The following KIAA1328 variants were observed in gnomAD, a reference collection of about 807,000 sequenced individuals.
KIAA1328 encodes the protein protein hinderin.
In KIAA1328, 52 loss-of-function variants were observed where a neutral mutation model predicts 68.1. The observed-to-expected ratio is 0.76, with a 90% CI of 0.61 to 0.96. The LOEUF (loss-of-function observed/expected upper bound fraction) is 0.96. Among genes scored for constraint, KIAA1328 ranks in the 40% least tolerant of loss-of-function variants. The probability of loss-of-function intolerance (pLI) is 0.00; values close to 1 mark genes in which losing one functional copy is unlikely to be tolerated. For synonymous variants in KIAA1328, 232 were observed against 239.4 expected (o/e 0.97, Z 0.28); for missense variants, 641 against 677.6 (o/e 0.95, Z 0.60).
chr18:37,109,701 C>G (rs1468272965), intron 7 of KIAA1328, among the ~76,000 whole-genome samples: 1 of 152,166 alleles, frequency 6.6e-6, no homozygotes, highest in Non-Finnish European at 1.5e-5. Context: ...AAACATTACA[C>G]TTTATCTGCT....
At chr18:37,044,510 AT>A (rs976597238) in intron 6 of KIAA1328, among the ~76,000 whole-genome samples, 7 of 152,144 alleles carry the variant, frequency 4.6e-5, no homozygotes, top group Non-Finnish European at 1.0e-4. Flanking sequence ...AAAACTCAAA[AT>A]TTTAGGCCAG....
At chr18:37,028,334 T>G (rs2054678795) in intron 6 of KIAA1328, among the ~76,000 whole-genome samples, 1 of 152,164 alleles carries the variant, frequency 6.6e-6, no homozygotes, top group African/African-American at 2.4e-5. Flanking sequence ...GGCCCTCAGC[T>G]TGGATGTTGT....
chr18:37,225,886 G>A (rs865810737), downstream of KIAA1328, among the ~76,000 whole-genome samples: 15 of 152,086 alleles, frequency 9.9e-5, no homozygotes, highest in Non-Finnish European at 2.1e-4. Context: ...CAGGTAGCAG[G>A]AACAGAATCA....
chr18:36,846,843 C>A (rs2047046118), intron 4 of KIAA1328, among the ~76,000 whole-genome samples: 1 of 151,384 alleles, frequency 6.6e-6, no homozygotes, highest in Non-Finnish European at 1.5e-5. Context: ...GCATTAAGTA[C>A]ATTCATAGTG....
intron 5 of KIAA1328, among the ~76,000 whole-genome samples, chr18:36,940,103 T>A (rs573392996): frequency 6.6e-6 from 1 of 152,300 alleles, no homozygotes; most frequent in Admixed American, 6.5e-5. Context: ...CCAGTTAATT[T>A]CTTATAAAAA....
At chr18:37,150,647 T>C (rs1256082859) in intron 7 of KIAA1328, among the ~76,000 whole-genome samples, 5 of 151,712 alleles carry the variant, frequency 3.3e-5, no homozygotes, top group African/African-American at 1.2e-4. Flanking sequence ...GTAAAAAGCA[T>C]AATACAGCTT....
At chr18:36,904,772 C>G (rs1407637933) in intron 5 of KIAA1328, among the ~76,000 whole-genome samples, 2 of 151,778 alleles carry the variant, frequency 1.3e-5, no homozygotes, top group African/African-American at 4.8e-5. Context: ...TCCATTTGAC[C>G]TTTGTTCCTC....
intron 6 of KIAA1328, among the ~76,000 whole-genome samples, chr18:37,025,656 A>C (rs1483483069): frequency 2.0e-5 from 3 of 152,236 alleles, no homozygotes; most frequent in Non-Finnish European, 4.4e-5. Context: ...GCAGAAATAA[A>C]GTTGTTCTTT....
At chr18:37,065,621 G>C (rs1379394569) in intron 6 of KIAA1328, among the ~76,000 whole-genome samples, 1 of 152,194 alleles carries the variant, frequency 6.6e-6, no homozygotes, top group Non-Finnish European at 1.5e-5. Context: ...GCTACCCTTG[G>C]AAGAGTCTGA....
intron 7 of KIAA1328, among the ~76,000 whole-genome samples, chr18:37,080,707 G>A (rs577172018): frequency 1.3e-4 from 20 of 151,234 alleles, no homozygotes; most frequent in Non-Finnish European, 2.7e-4. Context: ...CCTGGGAGAC[G>A]GAGGTTGCAG....
intron 6 of KIAA1328, among the ~76,000 whole-genome samples, chr18:37,055,003 T>C (rs547065577): frequency 2.9e-4 from 44 of 152,272 alleles, no homozygotes; most frequent in African/African-American, 1.0e-3. Flanking sequence ...TCCATAATTA[T>C]TGACTTTAAT....
At chr18:37,094,776 T>C (rs979830681) in intron 7 of KIAA1328, among the ~76,000 whole-genome samples, 4 of 152,104 alleles carry the variant, frequency 2.6e-5, no homozygotes, top group Non-Finnish European at 5.9e-5. Context: ...CAATAAGATA[T>C]AGACTGGCTG....
chr18:37,045,459 C>A (rs2055429434), intron 6 of KIAA1328, among the ~76,000 whole-genome samples: 1 of 151,928 alleles, frequency 6.6e-6, no homozygotes, highest in Non-Finnish European at 1.5e-5. Flanking sequence ...GCTTACCAAG[C>A]ATTCCATTTC....
intron 7 of KIAA1328, among the ~76,000 whole-genome samples, chr18:37,114,778 TAAAG>T: frequency 6.6e-6 from 1 of 151,582 alleles, no homozygotes; most frequent in Non-Finnish European, 1.5e-5. Context: ...GCAAGACTAA[TAAAG>T]AAGAAAAGAG....
At chr18:36,993,021 C>T (rs1049735210) in intron 6 of KIAA1328, among the ~76,000 whole-genome samples, 3 of 152,030 alleles carry the variant, frequency 2.0e-5, no homozygotes, top group Non-Finnish European at 2.9e-5. Context: ...GTTGAAGGAT[C>T]GCTTGAGCTT....
chr18:37,214,418 A>G (rs960059326), intron 9 of KIAA1328, among the ~76,000 whole-genome samples: 1 of 152,146 alleles, frequency 6.6e-6, no homozygotes, highest in Non-Finnish European at 1.5e-5. Context: ...TCCTTTCCCC[A>G]TTTCTTGTTT....
At chr18:36,894,385 T>C (rs1437701808) in intron 5 of KIAA1328, among the ~76,000 whole-genome samples, 1 of 152,208 alleles carries the variant, frequency 6.6e-6, no homozygotes, top group Non-Finnish European at 1.5e-5. Flanking sequence ...CAGGTCTTAC[T>C]CATTTTCCCT....
At chr18:37,061,339 A>G (rs899773291) in intron 6 of KIAA1328, among the ~76,000 whole-genome samples, 3 of 152,328 alleles carry the variant, frequency 2.0e-5, no homozygotes, top group African/African-American at 4.8e-5. Flanking sequence ...AGGAGGTGCT[A>G]TCGACTAGAA....
chr18:36,975,176 A>ATTTTTTTTTTTT (rs751805080), intron 6 of KIAA1328, among the ~76,000 whole-genome samples: 1 of 114,942 alleles, frequency 8.7e-6, no homozygotes, highest in African/African-American at 3.4e-5. Context: ...ACAAGCTACA[A>ATTTTTTTTTTTT]TTTTTTTTTT....
Sources: allele counts gnomAD v4.1 joint callset (sites outside exome capture counted in the v4.1 genomes callset), GRCh38; gene constraint gnomAD v4.1.1; transcripts MANE v1.5; gene names NCBI Gene and HGNC (gene_info 2026-07-23, HGNC 2026-07-21).